Variants in ADGRD1 observed in about 807,000 individuals in gnomAD.
ADGRD1 encodes the protein G-protein coupled receptor 133.
Under a neutral mutation model 113.4 loss-of-function variants are expected in ADGRD1, and 77 were observed. The ratio of observed to expected loss-of-function variants is 0.68; its 90% CI spans 0.57 to 0.82. ADGRD1 has a LOEUF of 0.82. ADGRD1 is among the 40% of genes least tolerant of loss of function. The pLI is 0.00. For synonymous variants in ADGRD1, 474 were observed against 475.0 expected, an observed-to-expected ratio of 1.00 and a Z score of 0.03; for missense variants, 1,036 against 1,139.1, an observed-to-expected ratio of 0.91 and a Z score of 1.30.
At chr12:131,132,088 T>C (rs1055061699) in intron 21 of ADGRD1, among the ~76,000 whole-genome samples, 4 of 152,056 alleles carry the variant, frequency 2.6e-5, no homozygotes, top group South Asian at 2.1e-4. Flanking sequence ...CACCCCAGGG[T>C]GATGAGCAGC....
chr12:131,102,355 C>T (rs1272085129), intron 15 of ADGRD1, among the ~76,000 whole-genome samples: 2 of 152,192 alleles, frequency 1.3e-5, no homozygotes, highest in Non-Finnish European at 2.9e-5. Flanking sequence ...TGGCAGCACC[C>T]GCCTGTTGAG....
At chr12:131,107,491 AC>A (rs1206569658) in intron 17 of ADGRD1, among the ~76,000 whole-genome samples, 1 of 147,050 alleles carries the variant, frequency 6.8e-6, no homozygotes, top group Non-Finnish European at 1.5e-5. Context: ...TCTCCCAGAG[AC>A]CCGTGTCTGA....
chr12:131,026,307 C>T (rs1248667185), intron 13 of ADGRD1: 1 of 151,652 alleles, frequency 6.6e-6, no homozygotes, highest in Non-Finnish European at 1.5e-5. Flanking sequence ...TGGATGGAAT[C>T]CCTTATTCTC....
intron 22 of ADGRD1, 59 bp downstream of exon 22, chr12:131,136,222 C>A: frequency 6.3e-7 from 1 of 1,597,614 alleles, no homozygotes; most frequent in Non-Finnish European, 8.5e-7. Context: ...AGCAGGCTTG[C>A]AGGGAGCTAG....
chr12:131,120,094 A>C (rs4759848), intron 19 of ADGRD1, among the ~76,000 whole-genome samples: 33,759 of 152,092 alleles, frequency 0.22, 4,583 homozygotes, highest in South Asian at 0.39. Context: ...GTGAGCAGTC[A>C]CGGAGGGATG....
At chr12:131,056,784 C>T (rs1229745539) in intron 13 of ADGRD1, among the ~76,000 whole-genome samples, 1 of 152,152 alleles carries the variant, frequency 6.6e-6, no homozygotes, top group Admixed American at 6.5e-5. Context: ...CTGGTTCTAG[C>T]GTGGACCACA....
chr12:130,973,191 C>G (rs995798462), intron 4 of ADGRD1: 1 of 152,218 alleles, frequency 6.6e-6, no homozygotes, highest in Non-Finnish European at 1.5e-5. Flanking sequence ...GACTTCTCGA[C>G]TCTTCAATAA....
intron 15 of ADGRD1, among the ~76,000 whole-genome samples, chr12:131,101,382 T>C (rs1283073774): frequency 0.016 from 1,722 of 108,594 alleles, 64 homozygotes; most frequent in Middle Eastern, 0.024. Context: ...TCTTTCTTTT[T>C]TTTTTTTTTT....
intron 14 of ADGRD1, among the ~76,000 whole-genome samples, chr12:131,077,951 T>C (rs956391192): frequency 1.3e-5 from 2 of 152,206 alleles, no homozygotes; most frequent in African/African-American, 2.4e-5. Context: ...TTTAAAACAC[T>C]GCACAGGCAG....
In ADGRD1 at chr12:130,982,123, A is replaced by G; in HGVS notation, c.490+60A>G. 7.0e-6 allele frequency: 10 copies of G among 1,437,574 alleles called. No homozygotes were observed. The South Asian group carries it at 1.2e-4, about 18-fold the overall frequency. 89.1% of individuals were successfully genotyped at this position (1,437,574 alleles called of 1,614,324 possible). Reference sequence around the variant, plus strand: ...TGGAGGAGTGGAGTCTTCTCTGAGAATGGACGCTGAGAAGCCCAACGCAGC... The same window carrying G: ...TGGAGGAGTGGAGTCTTCTCTGAGAGTGGACGCTGAGAAGCCCAACGCAGC... On this transcript the variant is annotated intron_variant, in intron 5 of 24. Transcript: ENST00000261654.
At chr12:131,104,191 G>T (rs1950170783) in intron 15 of ADGRD1, among the ~76,000 whole-genome samples, 1 of 152,218 alleles carries the variant, frequency 6.6e-6, no homozygotes, top group South Asian at 2.1e-4. Context: ...ACAGTGTGCA[G>T]GCGGCAGCCA....
At position 131,075,505 on chromosome 12, in the gene ADGRD1, T is replaced by TA. The variant is rs1400887385; in HGVS notation, c.1474-1295dup. On this transcript the variant is annotated intron_variant, in intron 13 of 24. Transcript: ENST00000261654. The surrounding 1 kb of genome is among the most constrained non-coding windows in gnomAD (Gnocchi z 5.3). ...GTGATGGATTAAAATAACCCTAAGA[T>TA]ACGGGGCGGCAGGGGTGGGGGACAA... is the stretch of plus-strand genomic sequence containing the variant. 1.8e-4 allele frequency among the ~76,000 whole-genome samples: 28 copies of TA among 152,162 alleles called. No individual in the cohort carries two copies. Among genetic ancestry groups the TA allele is most frequent in the African/African-American group, 6.8e-4 (28 of 41,440 alleles).
chr12:131,082,570 T>C lies in ADGRD1; in HGVS notation c.1548-1970T>C, dbSNP rs998656360. 2.6e-5 allele frequency among the ~76,000 whole-genome samples: 4 copies of C among 152,184 alleles called. No homozygotes were observed. The East Asian group carries it at 7.7e-4, about 29-fold the overall frequency. The stretch of plus-strand genomic sequence containing the variant: ...CTACGTTCACCTAATCCAATGCCTG[T>C]TAATGTTCAGGCCCCCCCCTCAAAT... On this transcript the variant is annotated intron_variant, in intron 14 of 24. Coordinates refer to ENST00000261654, the MANE Select transcript of ADGRD1 (RefSeq NM_198827.5).
chr12:130,993,009 C>T (rs900997275), intron 8 of ADGRD1, among the ~76,000 whole-genome samples: 3 of 152,126 alleles, frequency 2.0e-5, no homozygotes, highest in African/African-American at 7.2e-5. Context: ...CTTGAAAGCA[C>T]AGCATATGGG....
intron 13 of ADGRD1, among the ~76,000 whole-genome samples, chr12:131,069,000 CCT>C (rs1194534970): frequency 6.6e-6 from 1 of 152,212 alleles, no homozygotes; most frequent in Non-Finnish European, 1.5e-5. Flanking sequence ...TTCTGTTCTG[CCT>C]CTTTCTTTAC....
chr12:130,988,492 G>C (rs1873968460), intron 6 of ADGRD1: 1 of 152,208 alleles, frequency 6.6e-6, no homozygotes, highest in African/African-American at 2.4e-5. Context: ...CTGACGTTGA[G>C]TCCCTCAGTT....
chr12:131,138,444 C>G (rs74530100), intron 24 of ADGRD1, among the ~76,000 whole-genome samples: 5 of 152,214 alleles, frequency 3.3e-5, no homozygotes, highest in Non-Finnish European at 7.3e-5. Flanking sequence ...TACCCCTTGA[C>G]CCCGAAGAGT....
chr12:131,077,028 G>A (rs1184376374), intron 14 of ADGRD1, among the ~76,000 whole-genome samples, 154 bp downstream of exon 14: 2 of 152,196 alleles, frequency 1.3e-5, no homozygotes, highest in East Asian at 1.9e-4. Context: ...TGTGGGCAGG[G>A]CCTGGTGGCA....
At chr12:131,121,271 T>TC (rs1377373427) in intron 20 of ADGRD1, among the ~76,000 whole-genome samples, 3 of 152,176 alleles carry the variant, frequency 2.0e-5, no homozygotes, top group Non-Finnish European at 4.4e-5. Context: ...TCACCAGGAC[T>TC]CCAAGGCTGC....
Sources: allele counts gnomAD v4.1 joint callset (sites outside exome capture counted in the v4.1 genomes callset), GRCh38; gene constraint gnomAD v4.1.1; non-coding constraint Gnocchi (gnomAD v3.1); transcripts MANE v1.5; gene names NCBI Gene and HGNC (gene_info 2026-07-23, HGNC 2026-07-21).